The following MAGI2 variants were observed in gnomAD, a reference collection of about 807,000 sequenced individuals.
MAGI2 encodes membrane-associated guanylate kinase, WW and PDZ domain-containing protein 2.
In MAGI2, 35 loss-of-function variants were observed where a neutral mutation model predicts 133.3. The ratio of observed to expected loss-of-function variants is 0.26; its 90% CI spans 0.20 to 0.35. MAGI2 has a LOEUF of 0.35. MAGI2 is among the 10% of genes least tolerant of loss of function. The probability of loss-of-function intolerance (pLI) is 1.00; values close to 1 mark genes in which losing one functional copy is unlikely to be tolerated. For missense variants in MAGI2, 1,636 were observed against 1,863.4 expected (o/e 0.88, Z 2.25); for synonymous variants, 729 against 710.6 (o/e 1.03, Z -0.41).
intron 3 of MAGI2, among the ~76,000 whole-genome samples, chr7:78,547,992 C>G (rs1047155013): frequency 2.6e-5 from 4 of 152,194 alleles, no homozygotes; most frequent in Non-Finnish European, 5.9e-5. Context: ...GAATTGGATT[C>G]TCTCAGAATG....
intron 1 of MAGI2, among the ~76,000 whole-genome samples, chr7:79,035,189 AGT>A (rs71531161): frequency 0.42 from 53,469 of 125,886 alleles, 11,119 homozygotes; most frequent in African/African-American, 0.61. Flanking sequence ...CACAAAAAAA[AGT>A]GTGTGTGTGT....
intron 2 of MAGI2, among the ~76,000 whole-genome samples, chr7:78,842,687 GAA>G: frequency 6.6e-6 from 1 of 151,442 alleles, no homozygotes; most frequent in East Asian, 1.9e-4. Flanking sequence ...CTTTAATGAA[GAA>G]AAAAATCCTA....
chr7:78,910,008 C>T (rs1331657898), intron 2 of MAGI2, among the ~76,000 whole-genome samples: 1 of 152,106 alleles, frequency 6.6e-6, no homozygotes, highest in Non-Finnish European at 1.5e-5. Flanking sequence ...AGCTGGAATC[C>T]AACATTTTCA....
At chr7:78,993,271 A>G (rs916159730) in intron 2 of MAGI2, among the ~76,000 whole-genome samples, 3 of 152,112 alleles carry the variant, frequency 2.0e-5, no homozygotes, top group Non-Finnish European at 4.4e-5. Context: ...ATTAATAAAT[A>G]CACTGTAAAT....
intron 1 of MAGI2, among the ~76,000 whole-genome samples, chr7:79,446,144 C>A (rs1848835042): frequency 2.0e-5 from 3 of 152,134 alleles, no homozygotes; most frequent in Admixed American, 2.0e-4. Flanking sequence ...GGAAGGGGAA[C>A]ATCACACACC....
At chr7:79,056,026 C>A (rs887815012) in intron 1 of MAGI2, among the ~76,000 whole-genome samples, 1 of 152,004 alleles carries the variant, frequency 6.6e-6, no homozygotes, top group Non-Finnish European at 1.5e-5. Context: ...GAGAAAAGGC[C>A]CCAGTAAGTT....
At position 79,244,290 on chromosome 7, in the gene MAGI2, C is replaced by G. The variant is rs1832654372; in HGVS notation, c.301+208730G>C. On this transcript the variant is annotated intron_variant, in intron 1 of 21. Transcript: ENST00000354212. ...CACAGAAAAGTGCCTTCATAAGAAC[C>G]AAAAACCAGGTGAGCAATCACAGTA... Among the ~76,000 whole-genome samples the G allele has an allele frequency of 3.3e-5, 5 of 152,276 alleles. No homozygotes were observed. The South Asian group carries it at 8.3e-4, about 25-fold the overall frequency.
chr7:78,442,719 T>C (rs972940028), intron 6 of MAGI2, among the ~76,000 whole-genome samples: 17 of 152,118 alleles, frequency 1.1e-4, no homozygotes, highest in African/African-American at 3.9e-4. Flanking sequence ...CTTTGTGCTA[T>C]TTATCAATAT....
chr7:78,047,494 T>C (rs1282372217), intron 21 of MAGI2, among the ~76,000 whole-genome samples: 2 of 152,116 alleles, frequency 1.3e-5, no homozygotes, highest in African/African-American at 4.8e-5. Flanking sequence ...CCCCCACATC[T>C]CTCCTCTGCC....
At position 79,426,187 on chromosome 7, in the gene MAGI2, G is replaced by A. The variant is rs191351692; in HGVS notation, c.301+26833C>T. ...CCACAATCTCAGAATGTCAAGCTGG[G>A]AATTATTAGATTAATTGAGCATTCA... On this transcript the variant is annotated intron_variant, in intron 1 of 21. Transcript: ENST00000354212. Among the ~76,000 whole-genome samples, 85 of 152,220 alleles carry A rather than the reference G, an allele frequency of 5.6e-4. 1 individual carries two copies. Among genetic ancestry groups the A allele is most frequent in the Non-Finnish European group, 1.1e-3 (75 of 68,000 alleles).
chr7:78,985,018 A>G lies in MAGI2; in HGVS notation c.418+22072T>C, dbSNP rs1462266147. On this transcript the variant is annotated intron_variant, in intron 2 of 21. Transcript: ENST00000354212. ...TTCCTTTTTTTTTTTTTTTATTTAA[A>G]TGAGTTTGGGTCTTGTTCTGTTGTC... 2.7e-5 allele frequency among the ~76,000 whole-genome samples: 4 copies of G among 147,830 alleles called. No homozygotes were observed. The East Asian group carries it at 8.0e-4, about 29-fold the overall frequency.
At chr7:78,479,828 A>C (rs1486443992) in intron 6 of MAGI2, among the ~76,000 whole-genome samples, 2 of 152,008 alleles carry the variant, frequency 1.3e-5, no homozygotes, top group Non-Finnish European at 2.9e-5. Flanking sequence ...AAGGATTTTA[A>C]ATCAGCCATC....
chr7:78,703,690 T>C (rs1173264982), intron 2 of MAGI2, among the ~76,000 whole-genome samples: 1 of 152,070 alleles, frequency 6.6e-6, no homozygotes, highest in Non-Finnish European at 1.5e-5. Context: ...TCTGATGCTA[T>C]TTTTAAAAGT....
intron 1 of MAGI2, among the ~76,000 whole-genome samples, chr7:79,418,897 T>C (rs186607589): frequency 1.3e-4 from 20 of 149,276 alleles, no homozygotes; most frequent in East Asian, 5.9e-4. Flanking sequence ...ATTTGTCAGA[T>C]AGTCATAAAA....
chr7:79,297,937 A>AG (rs1422842884), intron 1 of MAGI2, among the ~76,000 whole-genome samples: 1 of 152,222 alleles, frequency 6.6e-6, no homozygotes, highest in Non-Finnish European at 1.5e-5. Context: ...GTCAAAATTT[A>AG]AGGGAAAACA....
intron 2 of MAGI2, among the ~76,000 whole-genome samples, chr7:78,631,885 G>A (rs528315823): frequency 3.9e-5 from 6 of 152,142 alleles, no homozygotes; most frequent in Non-Finnish European, 7.3e-5. Flanking sequence ...GTATTACCTC[G>A]AGCAAGGTTC....
At chr7:78,995,727 T>C (rs1161404779) in intron 2 of MAGI2, among the ~76,000 whole-genome samples, 1 of 152,168 alleles carries the variant, frequency 6.6e-6, no homozygotes, top group Non-Finnish European at 1.5e-5. Flanking sequence ...TTTCTTTTCT[T>C]TTCTTTTTTA....
chr7:78,285,635 C>G (rs907379625), intron 9 of MAGI2: 5 of 152,230 alleles, frequency 3.3e-5, no homozygotes, highest in Middle Eastern at 3.4e-3. Context: ...CACTCCTAAC[C>G]ATTACCTTTA....
chr7:79,045,464 T>C lies in MAGI2; in HGVS notation c.302-38258A>G, dbSNP rs547359935. Among the ~76,000 whole-genome samples, 55 of 152,330 alleles carry C rather than the reference T, an allele frequency of 3.6e-4. 2 individuals carry two copies. The South Asian group carries it at 8.3e-3, about 23-fold the overall frequency. On this transcript the variant is annotated intron_variant, in intron 1 of 21. Transcript: ENST00000354212. Reference sequence around the variant, plus strand: ...GGTACATGGTATATAATCTTTGAGATTGACTGTTTTAACTAAGTGTATGCT... The same window carrying C: ...GGTACATGGTATATAATCTTTGAGACTGACTGTTTTAACTAAGTGTATGCT...
Sources: allele counts gnomAD v4.1 joint callset (sites outside exome capture counted in the v4.1 genomes callset), GRCh38; gene constraint gnomAD v4.1.1; transcripts MANE v1.5; gene names NCBI Gene and HGNC (gene_info 2026-07-23, HGNC 2026-07-21).